Variants in MCTP2 observed in about 807,000 individuals in gnomAD.
MCTP2 encodes multiple C2 and transmembrane domain containing 2.
Under a neutral mutation model 111.6 loss-of-function variants are expected in MCTP2, and 132 were observed. The observed-to-expected ratio is 1.18, with a 90% CI of 1.03 to 1.37. MCTP2 has a LOEUF of 1.37. Ranked by LOEUF, MCTP2 falls within the 40% of genes most tolerant of loss-of-function variation. MCTP2 has a pLI of 0.00. For missense variants in MCTP2, 1,183 were observed against 1,067.9 expected, an observed-to-expected ratio of 1.11 and a Z score of -1.50; for synonymous variants, 395 against 387.7, an observed-to-expected ratio of 1.02 and a Z score of -0.22.
chr15:94,295,180 C>T (rs147366286), intron 1 of MCTP2, among the ~76,000 whole-genome samples: 231 of 152,000 alleles, frequency 1.5e-3, no homozygotes, highest in African/African-American at 5.4e-3. Flanking sequence ...GAACTCCTGA[C>T]CTCAAGCCAT....
intron 1 of MCTP2, among the ~76,000 whole-genome samples, chr15:94,233,322 A>G (rs2070318561): frequency 6.6e-6 from 1 of 152,140 alleles, no homozygotes; most frequent in Admixed American, 6.5e-5. Context: ...AAAAGATAAA[A>G]TTTATTATGT....
intron 17 of MCTP2, among the ~76,000 whole-genome samples, chr15:94,430,392 A>ATC (rs1491370757): frequency 4.0e-5 from 2 of 50,386 alleles, no homozygotes; most frequent in Admixed American, 2.4e-4. Context: ...CCCAAAAACA[A>ATC]TCACACACAC....
chr15:94,399,878 C>A, intron 15 of MCTP2, 43 bp from the exon 16 acceptor site: 1 of 1,535,524 alleles, frequency 6.5e-7, no homozygotes, highest in Non-Finnish European at 9.0e-7. Flanking sequence ...TGGATGAAGT[C>A]CCTATACATG....
In MCTP2 at chr15:94,367,623, G is replaced by C; in HGVS notation, c.1320G>C (p.Ser440=). ...TTTCTAGGTGTAAAGTGGATATCTCGGCACTCCCTCTGAAGCAAGCCAACT... is the reference window on the plus strand; with the variant it reads ...TTTCTAGGTGTAAAGTGGATATCTCCGCACTCCCTCTGAAGCAAGCCAACT... ...ERLGTCKVDI[S]ALPLKQANCL... Residue 440 remains serine, a synonymous_variant, in exon 11 of 23, where the codon TCG becomes TCC. Coordinates refer to ENST00000357742, the MANE Select transcript of MCTP2 (RefSeq NM_001385001.1). The C allele has an allele frequency of 1.2e-6, 2 of 1,610,590 alleles. No individual in the cohort carries two copies. The highest frequency in any genetic ancestry group is 1.7e-6 in the Non-Finnish European group (2 of 1,178,390).
At chr15:94,349,001 C>T (rs982651009) in intron 8 of MCTP2, among the ~76,000 whole-genome samples, 1 of 152,082 alleles carries the variant, frequency 6.6e-6, no homozygotes, top group Non-Finnish European at 1.5e-5. Context: ...CATCTATGAT[C>T]TAATTTAGCT....
chr15:94,318,430 C>A (rs977968811), intron 4 of MCTP2, among the ~76,000 whole-genome samples: 1 of 151,950 alleles, frequency 6.6e-6, no homozygotes, highest in Non-Finnish European at 1.5e-5. Flanking sequence ...ATTACAGGCA[C>A]GCACCACCAT....
intron 1 of MCTP2, among the ~76,000 whole-genome samples, chr15:94,278,487 T>C (rs2074322238): frequency 6.6e-6 from 1 of 152,078 alleles, no homozygotes; most frequent in South Asian, 2.1e-4. Flanking sequence ...CAGGATAGAG[T>C]AAATGACTGG....
intron 4 of MCTP2, among the ~76,000 whole-genome samples, chr15:94,339,016 T>C (rs2077503006): frequency 6.6e-6 from 1 of 152,190 alleles, no homozygotes; most frequent in Admixed American, 6.5e-5. Flanking sequence ...ATTTTACTTC[T>C]TGAATTTTTG....
chr15:94,231,384 T>C (rs2070151442), upstream of MCTP2, among the ~76,000 whole-genome samples: 1 of 152,234 alleles, frequency 6.6e-6, no homozygotes, highest in African/African-American at 2.4e-5. Context: ...GCACCAAGCA[T>C]AGCGCCTCCT....
At chr15:94,324,804 T>C (rs916745028) in intron 4 of MCTP2, among the ~76,000 whole-genome samples, 1 of 150,702 alleles carries the variant, frequency 6.6e-6, no homozygotes, top group Non-Finnish European at 1.5e-5. Flanking sequence ...TGTTATCTTA[T>C]TGTTTATTAT....
At chr15:94,409,071 G>A (rs1451022808) in intron 17 of MCTP2, among the ~76,000 whole-genome samples, 1 of 152,166 alleles carries the variant, frequency 6.6e-6, no homozygotes, top group East Asian at 1.9e-4. Flanking sequence ...ATTGATCCTG[G>A]GTGTGTCTGT....
chr15:94,435,939 A>G (rs564315855), intron 17 of MCTP2, among the ~76,000 whole-genome samples: 163 of 152,144 alleles, frequency 1.1e-3, no homozygotes, highest in African/African-American at 3.4e-3. Context: ...CCTATGCTAT[A>G]TTCTTCTAAA....
At chr15:94,243,571 A>ATACGTATGCGTATATGCGTATGTACATG (rs1223646205) in intron 1 of MCTP2, among the ~76,000 whole-genome samples, 2 of 149,846 alleles carry the variant, frequency 1.3e-5, no homozygotes, top group Non-Finnish European at 3.0e-5. Flanking sequence ...GTATGTACAT[A>ATACGTATGCGTATATGCGTATGTACATG]CATACGTATG....
chr15:94,452,736 A>G (rs2152521667), intron 19 of MCTP2, among the ~76,000 whole-genome samples: 1 of 152,294 alleles, frequency 6.6e-6, no homozygotes, highest in Non-Finnish European at 1.5e-5. Context: ...TTAATGAAGC[A>G]TCCAAGCTAC....
chr15:94,314,347 G>C lies in MCTP2; in HGVS notation c.528+3G>C, dbSNP rs1473624099. ...CTCAACATTTTGAAGAACAATCTGT[G>C]AGTGGCATTCCTTAAAAAGAAACAT... On this transcript the variant is annotated splice_donor_region_variant and intron_variant, in intron 3 of 22. Coordinates refer to ENST00000357742, the MANE Select transcript of MCTP2 (RefSeq NM_001385001.1). 1 of 1,591,890 alleles carries C rather than the reference G, an allele frequency of 6.3e-7. No individual in the cohort carries two copies. Among genetic ancestry groups the C allele is most frequent in the Non-Finnish European group, 8.6e-7 (1 of 1,163,838 alleles).
intron 2 of MCTP2, among the ~76,000 whole-genome samples, chr15:94,309,265 G>C (rs1227986254): frequency 6.6e-6 from 1 of 151,794 alleles, no homozygotes; most frequent in Non-Finnish European, 1.5e-5. Context: ...TGTCCTCTAT[G>C]TATTTGTGTT....
chr15:94,382,002 C>T (rs1363646734), intron 12 of MCTP2, among the ~76,000 whole-genome samples: 2 of 152,222 alleles, frequency 1.3e-5, no homozygotes, highest in East Asian at 3.8e-4. Context: ...GAGGTCAGAG[C>T]CCACTTTCAT....
At chr15:94,435,866 C>T (rs1035959692) in intron 17 of MCTP2, among the ~76,000 whole-genome samples, 1 of 151,292 alleles carries the variant, frequency 6.6e-6, no homozygotes, top group Non-Finnish European at 1.5e-5. Flanking sequence ...CTCCTGACCT[C>T]GTGATCCGCC....
intron 20 of MCTP2, among the ~76,000 whole-genome samples, chr15:94,461,662 G>A (rs1236308489): frequency 6.6e-6 from 1 of 152,150 alleles, no homozygotes; most frequent in Non-Finnish European, 1.5e-5. Flanking sequence ...TATGCCTACA[G>A]ATGTTCCAGG....
Sources: gnomAD v4.1 joint callset for allele counts (sites outside exome capture counted in the v4.1 genomes callset) on GRCh38, gnomAD v4.1.1 for gene constraint, MANE v1.5 for transcripts, NCBI Gene and HGNC (gene_info 2026-07-23, HGNC 2026-07-21) for gene names.